The following KATNB1 variants were observed in gnomAD, a reference collection of about 807,000 sequenced individuals.
KATNB1 encodes katanin p80 WD40 repeat-containing subunit B1.
A neutral mutation model predicts 82.3 loss-of-function variants in KATNB1; 38 were observed. The ratio of observed to expected loss-of-function variants is 0.46; its 90% confidence interval spans 0.36 to 0.61. The LOEUF is 0.61. KATNB1 is among the 20% of genes least tolerant of loss of function. The pLI is 0.00. For missense variants in KATNB1, 749 were observed against 915.7 expected, an observed-to-expected ratio of 0.82 and a Z score of 2.35; for synonymous variants, 361 against 368.7, an observed-to-expected ratio of 0.98 and a Z score of 0.24.
intron 15 of KATNB1, 25 bp downstream of exon 15, chr16:57,755,263 ATGGGTGGAGGTCTG>A (rs782378130): frequency 6.8e-6 from 11 of 1,610,542 alleles, no homozygotes; most frequent in Non-Finnish European, 9.3e-6. Context: ...AGCTCGAGGC[ATGGGTGGAGGTCTG>A]TGGGTGGAGG....
In KATNB1 at chr16:57,753,450, C is replaced by T. The variant is rs139134999; in HGVS notation, c.1108C>T (p.Arg370Cys). Residue 370 changes from arginine to cysteine, a missense_variant, in exon 12 of 20, where the codon CGC becomes TGC. Transcript: ENST00000379661. The part of the protein sequence containing the change: ...SPSSEDDRDE[R>C]ESRAEIQNAE... ...CAGCAGCGAGGATGACCGGGACGAG[C>T]GCGAGTCCCGCGCGGAGATCCAGAA... 2,122 of 1,612,986 alleles carry T rather than the reference C, an allele frequency of 1.3e-3. 6 individuals are homozygous for T. Among genetic ancestry groups the T allele is most frequent in the Non-Finnish European group, 1.7e-3 (1,998 of 1,179,930 alleles).
chr16:57,739,674 A>G (rs1246418249), intron 2 of KATNB1, among the ~76,000 whole-genome samples: 2 of 152,120 alleles, frequency 1.3e-5, no homozygotes, highest in Non-Finnish European at 2.9e-5. Flanking sequence ...GGCTCCAGTC[A>G]GTCCCTGGTC....
intron 14 of KATNB1, 49 bp downstream of exon 14, chr16:57,755,046 C>T (rs782657836): frequency 1.9e-6 from 3 of 1,613,426 alleles, no homozygotes; most frequent in South Asian, 1.1e-5. Context: ...AGGTCCTGAC[C>T]CAGGGTTGGG....
Position 57,751,571 on chromosome 16 carries a change from A to T in KATNB1, c.433-70A>T. 7.2e-7 allele frequency: 1 copy of T among 1,384,242 alleles called. No homozygotes were observed. The highest frequency in any genetic ancestry group is 1.0e-6 in the Non-Finnish European group (1 of 979,686). 85.7% of individuals were successfully genotyped at this position (1,384,242 alleles called of 1,614,324 possible). Reference sequence around the variant, plus strand: ...TGTTAGATGGAAGGGGTCCCATAGGAGTGAGGAGGCAGGGAGAGGTCTGTT... The same window carrying T: ...TGTTAGATGGAAGGGGTCCCATAGGTGTGAGGAGGCAGGGAGAGGTCTGTT... On this transcript the variant is annotated intron_variant, in intron 6 of 19. Coordinates refer to ENST00000379661, the MANE Select transcript of KATNB1 (RefSeq NM_005886.3). This position sits in a 1 kb window ranked among gnomAD's most constrained non-coding sequence, Gnocchi z 6.3.
chr16:57,740,337 C>G (rs1347263398), intron 2 of KATNB1, among the ~76,000 whole-genome samples: 15 of 152,196 alleles, frequency 9.9e-5, no homozygotes, highest in South Asian at 2.1e-4. Flanking sequence ...TGCGACTTGT[C>G]CCCTGGGTAT....
rs2049225448 is a variant in KATNB1 at position 57,751,302 on chromosome 16, G to A, written c.432G>A (p.Arg144=). 6.2e-7 allele frequency: 1 copy of A among 1,613,548 alleles called. No individual in the cohort carries two copies. Among genetic ancestry groups the A allele is most frequent in the Non-Finnish European group, 8.5e-7 (1 of 1,179,566 alleles). The part of the protein sequence containing the change: ...IRRKGCVFRY[R]GHSQAVRCLR... ...GGAAAGGCTGTGTCTTCCGATACAGGGTAAGGATGCGCTCTGTCGGTGACT... is the reference window on the plus strand; with the variant it reads ...GGAAAGGCTGTGTCTTCCGATACAGAGTAAGGATGCGCTCTGTCGGTGACT... The change falls in exon 6 of 20, where the codon AGG becomes AGA. Residue 144 remains arginine (R), a splice_region_variant and synonymous_variant. Coordinates refer to ENST00000379661, the MANE Select transcript of KATNB1 (RefSeq NM_005886.3). This position sits in a 1 kb window ranked among gnomAD's most constrained non-coding sequence, Gnocchi z 6.3.
chr16:57,741,747 G>A lies in KATNB1; in HGVS notation c.101G>A (p.Arg34Gln), dbSNP rs782421954. 35 of 1,614,040 alleles carry A rather than the reference G, an allele frequency of 2.2e-5. No homozygotes were observed. The South Asian group carries it at 2.6e-4, about 12-fold the overall frequency. The change falls in exon 3 of 20, where the codon CGG becomes CAG. Residue 34 changes from arginine to glutamine, a missense_variant. Transcript: ENST00000379661. ...SSLVLGKASG[R>Q]LLATGGDDCR... The stretch of plus-strand genomic sequence containing the variant: ...CTGGTGCTGGGCAAAGCCTCCGGGC[G>A]GCTGCTGGCTACAGGCGGGGATGAC...
In KATNB1 at chr16:57,744,718, G is replaced by GGTGT. The variant is rs58055231; in HGVS notation, c.289+222_289+225dup. Among the ~76,000 whole-genome samples the GGTGT allele has an allele frequency of 0.098, 14,752 of 150,224 alleles. 896 individuals are homozygous for GGTGT. Among genetic ancestry groups the GGTGT allele is most frequent in the African/African-American group, 0.16 (6,604 of 41,050 alleles). ...CCTCGTGTGGGTGGGGGGATGTGCG[G>GGTGT]GTGTGTGTGTGTGTGTGTTTGGATG... On this transcript the variant is annotated intron_variant, in intron 4 of 19. Transcript: ENST00000379661.
At chr16:57,756,715 G>A (rs552741203) in intron 19 of KATNB1, 99 bp from the exon 20 acceptor site, 38 of 1,439,678 alleles carry the variant, frequency 2.6e-5, no homozygotes, top group Non-Finnish European at 3.4e-5. Context: ...GCCTTCCCTT[G>A]GGAGGAAGGG....
At chr16:57,749,514 C>A (rs2049208868) in intron 4 of KATNB1, among the ~76,000 whole-genome samples, 1 of 152,230 alleles carries the variant, frequency 6.6e-6, no homozygotes. Context: ...TGAATACCTC[C>A]TCTGACAGAG....
At chr16:57,752,459 T>C in intron 8 of KATNB1, 71 bp from the exon 9 acceptor site, 1 of 1,385,592 alleles carries the variant, frequency 7.2e-7, no homozygotes, top group Non-Finnish European at 1.0e-6. Context: ...AGAGAAAAGC[T>C]GGCTTCCCAG....
Position 57,751,563 on chromosome 16 carries a change from C to A in KATNB1, c.433-78C>A. ...ACCAGTGTTGTTAGATGGAAGGGGT[C>A]CCATAGGAGTGAGGAGGCAGGGAGA... is the stretch of plus-strand genomic sequence containing the variant. On this transcript the variant is annotated intron_variant, in intron 6 of 19. Coordinates refer to ENST00000379661, the MANE Select transcript of KATNB1 (RefSeq NM_005886.3). The surrounding 1 kb of genome is among the most constrained non-coding windows in gnomAD (Gnocchi z 6.3). The A allele has an allele frequency of 7.6e-7, 1 of 1,323,822 alleles. No individual in the cohort carries two copies. Among genetic ancestry groups the A allele is most frequent in the Non-Finnish European group, 1.1e-6 (1 of 925,696 alleles). The allele number at this position is 1,323,822 out of a possible 1,614,324, so 82.0% of individuals were successfully genotyped here.
rs1194859386 is a variant in KATNB1, at chr16:57,757,216, A to C, written c.*270A>C. ...CCTGGGGCTGCTGCTGTAATTTATA[A>C]GGCAAATTTTATTAAATTTGTAACT... On this transcript the variant is annotated 3_prime_UTR_variant, in exon 20 of 20. Transcript: ENST00000379661. 2.9e-6 allele frequency: 1 copy of C among 349,966 alleles called. No individual in the cohort carries two copies. Among genetic ancestry groups the C allele is most frequent in the African/African-American group, 2.1e-5 (1 of 47,592 alleles). The allele number at this position is 349,966 out of a possible 1,614,324, so 21.7% of individuals were successfully genotyped here.
rs782605410 is a variant in KATNB1 at position 57,755,860 on chromosome 16, T to G, written c.1586T>G (p.Val529Gly). Residue 529 changes from valine (V) to glycine (G), a missense_variant, in exon 17 of 20, where the codon GTG becomes GGG. By Grantham distance (109) the Val-to-Gly change is moderately radical. Around this residue, in one of 3 missense-constraint regions of KATNB1, gnomAD observed 407 missense variants for 434.7 expected, o/e 0.94. Transcript: ENST00000379661. ...GCACAGACGTCGGTGGACTCCGCTG[T>G]GGCCATCAACGACCTGTCGGTGGTG... ...GDIKTSVDSA[V>G]AINDLSVVVD... The G allele has an allele frequency of 9.4e-6, 15 of 1,593,834 alleles. No individual in the cohort carries two copies. The highest frequency in any genetic ancestry group is 1.7e-4 in the Middle Eastern group (1 of 6,036).
Position 57,751,747 on chromosome 16 carries a change from CCCAGGGG to C in KATNB1, c.516+25_516+31del. The C allele has an allele frequency of 6.2e-7, 1 of 1,604,586 alleles. No individual in the cohort carries two copies. The highest frequency in any genetic ancestry group is 8.5e-7 in the Non-Finnish European group (1 of 1,177,764). On this transcript the variant is annotated intron_variant, in intron 7 of 19. Coordinates refer to ENST00000379661, the MANE Select transcript of KATNB1 (RefSeq NM_005886.3). This position sits in a 1 kb window ranked among gnomAD's most constrained non-coding sequence, Gnocchi z 6.3. ...AAGGTAGCTCCCGGCCTGACCTGGG[CCCAGGGG>C]CTGGGGGCTGGGGTCTGCTGATCAC...
chr16:57,751,842 G>A lies in KATNB1; in HGVS notation c.517-98G>A. Reference sequence around the variant, plus strand: ...ACATGTCCCAAGCCTATCCCGAGTGGAAGGTAGCTTGTGGATAAAGAGCTT... The same window carrying A: ...ACATGTCCCAAGCCTATCCCGAGTGAAAGGTAGCTTGTGGATAAAGAGCTT... On this transcript the variant is annotated intron_variant, in intron 7 of 19. Transcript: ENST00000379661. This position sits in a 1 kb window ranked among gnomAD's most constrained non-coding sequence, Gnocchi z 6.3. The A allele has an allele frequency of 7.2e-7, 1 of 1,396,056 alleles. No homozygotes were observed. Among genetic ancestry groups the A allele is most frequent in the Non-Finnish European group, 1.0e-6 (1 of 993,684 alleles). The allele number at this position is 1,396,056 out of a possible 1,614,324, so 86.5% of individuals were successfully genotyped here. A position where few individuals can be genotyped will look rare whatever the true frequency, so the allele number is the denominator to read the frequency against.
intron 4 of KATNB1, among the ~76,000 whole-genome samples, chr16:57,748,053 G>A (rs1426750414): frequency 2.6e-5 from 4 of 152,292 alleles, no homozygotes; most frequent in East Asian, 1.9e-4. Context: ...AGGTGATTCC[G>A]ATGGACAGCC....
chr16:57,751,629 G>C lies in KATNB1; in HGVS notation c.433-12G>C, dbSNP rs782493974. 6.2e-7 allele frequency: 1 copy of C among 1,609,898 alleles called. No individual in the cohort carries two copies. Among genetic ancestry groups the C allele is most frequent in the African/African-American group, 1.3e-5 (1 of 74,918 alleles). On this transcript the variant is annotated splice_polypyrimidine_tract_variant and intron_variant, in intron 6 of 19. Transcript: ENST00000379661. The surrounding 1 kb of genome is among the most constrained non-coding windows in gnomAD (Gnocchi z 6.3). ...GGATCCCAGGGTGAGCTCATGCCGTGTCCTCCCTCAGGGGCACAGCCAGGC... is the reference window on the plus strand; with the variant it reads ...GGATCCCAGGGTGAGCTCATGCCGTCTCCTCCCTCAGGGGCACAGCCAGGC...
chr16:57,756,252 G>C, intron 18 of KATNB1, 104 bp from the exon 19 acceptor site: 2 of 1,141,026 alleles, frequency 1.8e-6, no homozygotes, highest in Admixed American at 1.7e-5. Context: ...ATGTGTGGGT[G>C]TGTCTGTGTC....
Sources: gnomAD v4.1 joint callset for allele counts (sites outside exome capture counted in the v4.1 genomes callset) on GRCh38, gnomAD v4.1.1 for gene constraint, gnomAD v4.1.1 regional missense constraint, Gnocchi (gnomAD v3.1) non-coding constraint, MANE v1.5 for transcripts, NCBI Gene and HGNC (gene_info 2026-07-23, HGNC 2026-07-21) for gene names.